ASAP2: variants seen among roughly 807,000 people sequenced by gnomAD.
ASAP2 encodes ArfGAP with SH3 domain, ankyrin repeat and PH domain 2, also known as arf-GAP with SH3 domain, ANK repeat and PH domain-containing protein 2.
A neutral mutation model predicts 131.4 loss-of-function variants in ASAP2; 45 were observed. That is an observed-to-expected ratio of 0.34 (90% confidence interval 0.27 to 0.44). The LOEUF (loss-of-function observed/expected upper bound fraction) is 0.44. ASAP2 is among the 20% of genes least tolerant of loss of function. The pLI, the probability that ASAP2 is intolerant of heterozygous loss-of-function variation, is 1.00. For synonymous variants in ASAP2, 510 were observed against 503.0 expected, an observed-to-expected ratio of 1.01 and a Z score of -0.19; for missense variants, 1,011 against 1,297.0, an observed-to-expected ratio of 0.78 and a Z score of 3.39.
intron 16 of ASAP2, among the ~76,000 whole-genome samples, chr2:9,373,133 C>T (rs989201359): frequency 1.9e-4 from 29 of 151,956 alleles, no homozygotes; most frequent in African/African-American, 7.0e-4. Context: ...GAGCATGTGC[C>T]GGGGGACGTT....
intron 15 of ASAP2, among the ~76,000 whole-genome samples, chr2:9,366,751 C>G (rs999101270): frequency 6.6e-6 from 1 of 152,106 alleles, no homozygotes; most frequent in African/African-American, 2.4e-5. Context: ...AAAGCTTTTT[C>G]CACGTGTCAA....
intron 24 of ASAP2, among the ~76,000 whole-genome samples, chr2:9,395,594 C>CTTTTTTTCTTTTTTTTTTT (rs1676063940): frequency 1.7e-5 from 1 of 59,048 alleles, no homozygotes; most frequent in African/African-American, 5.3e-5. Flanking sequence ...TGTTTTTTTT[C>CTTTTTTTCTTTTTTTTTTT]TTTTTTTTTT....
rs1490629676 is a variant in ASAP2, at chr2:9,216,769, A to C, written c.126+9539A>C. ...AGCCACCATGCCCGGTCCCTGATTA[A>C]TTTTTGTATTTTTTTGTAGAGAAGG... On this transcript the variant is annotated intron_variant, in intron 1 of 27. Transcript: ENST00000281419. Among the ~76,000 whole-genome samples the C allele has an allele frequency of 4.0e-5, 6 of 151,408 alleles. No homozygotes were observed. The East Asian group carries it at 1.2e-3, about 30-fold the overall frequency.
chr2:9,323,327 G>C, intron 6 of ASAP2, 77 bp downstream of exon 6: 1 of 1,561,156 alleles, frequency 6.4e-7, no homozygotes, highest in Non-Finnish European at 8.7e-7. Context: ...CATCTCACCG[G>C]TACCAGCGGC....
intron 6 of ASAP2, among the ~76,000 whole-genome samples, chr2:9,326,758 C>T (rs915252689): frequency 2.0e-5 from 3 of 152,058 alleles, no homozygotes; most frequent in Admixed American, 1.3e-4. Context: ...GCTTAGTGGC[C>T]GCACAGTATT....
At chr2:9,323,490 G>A (rs1488826293) in intron 6 of ASAP2, among the ~76,000 whole-genome samples, 1 of 152,218 alleles carries the variant, frequency 6.6e-6, no homozygotes, top group African/African-American at 2.4e-5. Flanking sequence ...TAAATGTCTA[G>A]AATGTTCTTT....
intron 18 of ASAP2, among the ~76,000 whole-genome samples, chr2:9,377,851 C>T (rs1046826368): frequency 1.3e-5 from 2 of 152,148 alleles, no homozygotes; most frequent in African/African-American, 4.8e-5. Context: ...CAGCTTCTTC[C>T]TGAGGAGGCT....
chr2:9,214,487 A>G (rs1334772257), intron 1 of ASAP2, among the ~76,000 whole-genome samples: 1 of 152,012 alleles, frequency 6.6e-6, no homozygotes, highest in African/African-American at 2.4e-5. Flanking sequence ...TGATCCGCCC[A>G]CCTCGGCCTC....
chr2:9,253,224 C>A (rs912653015), intron 1 of ASAP2, among the ~76,000 whole-genome samples: 1 of 152,032 alleles, frequency 6.6e-6, no homozygotes, highest in Non-Finnish European at 1.5e-5. Context: ...AGTGCAATGG[C>A]GCGATATTGG....
intron 2 of ASAP2, among the ~76,000 whole-genome samples, chr2:9,283,358 G>C (rs1000464545): frequency 9.2e-5 from 14 of 152,176 alleles, no homozygotes; most frequent in Admixed American, 2.6e-4. Context: ...TCTTATTGCT[G>C]TTGTAACAAA....
chr2:9,323,379 C>T lies in ASAP2; in HGVS notation c.600+129C>T. On this transcript the variant is annotated intron_variant, in intron 6 of 27. Transcript: ENST00000281419. ...CATGCATTGCTGGACTCCCTTTGCC[C>T]CTGTGTTGACATTTCTTTTACTAGG... 4 of 1,366,022 alleles carry T rather than the reference C, an allele frequency of 2.9e-6. No homozygotes were observed. The Admixed American group carries it at 9.1e-5, about 31-fold the overall frequency. 84.6% of individuals were successfully genotyped at this position (1,366,022 alleles called of 1,614,324 possible). A position where few individuals can be genotyped will look rare whatever the true frequency, so the allele number is the denominator to read the frequency against.
At chr2:9,321,747 T>C (rs1670161726) in intron 5 of ASAP2, among the ~76,000 whole-genome samples, 1 of 151,902 alleles carries the variant, frequency 6.6e-6, no homozygotes, top group South Asian at 2.1e-4. Context: ...AAAGAAAAGG[T>C]TTGGAAGAAG....
chr2:9,353,210 T>G (rs1672463671), intron 12 of ASAP2, among the ~76,000 whole-genome samples: 1 of 151,866 alleles, frequency 6.6e-6, no homozygotes, highest in Non-Finnish European at 1.5e-5. Context: ...CTCCTCTACT[T>G]CCTCACCAGC....
chr2:9,301,613 G>A (rs930494728), intron 3 of ASAP2, among the ~76,000 whole-genome samples: 8 of 152,124 alleles, frequency 5.3e-5, no homozygotes, highest in Non-Finnish European at 8.8e-5. Flanking sequence ...CAGTGTTAGA[G>A]GATTGTTAGT....
At chr2:9,236,763 G>A (rs186988726) in intron 1 of ASAP2, among the ~76,000 whole-genome samples, 1 of 152,184 alleles carries the variant, frequency 6.6e-6, no homozygotes, top group African/African-American at 2.4e-5. Flanking sequence ...TTTAAATTTG[G>A]AACTATAATT....
Position 9,380,809 on chromosome 2 carries a change from G to A in ASAP2, c.2016+1G>A, listed in dbSNP as rs1674780078. ...CAAGCACGAGCACTGTGAGGAGCTG[G>A]TGAGTCTCCCACCACAAGGACGGGG... is the stretch of plus-strand genomic sequence containing the variant. On this transcript the variant is annotated splice_donor_variant, in intron 20 of 27. Transcript: ENST00000281419. LOFTEE classifies it high-confidence loss of function. The A allele has an allele frequency of 6.2e-7, 1 of 1,613,826 alleles. No individual in the cohort carries two copies.
At chr2:9,320,632 T>A (rs1670094553) in intron 5 of ASAP2, among the ~76,000 whole-genome samples, 1 of 152,224 alleles carries the variant, frequency 6.6e-6, no homozygotes, top group African/African-American at 2.4e-5. Context: ...GGTATTTCTT[T>A]CTGTTTTTGT....
At chr2:9,237,593 A>G (rs1421813388) in intron 1 of ASAP2, among the ~76,000 whole-genome samples, 7 of 151,092 alleles carry the variant, frequency 4.6e-5, no homozygotes. Flanking sequence ...TTTTATTTTT[A>G]TTTTTTGTAG....
intron 24 of ASAP2, among the ~76,000 whole-genome samples, chr2:9,397,139 T>G (rs1676208517): frequency 1.3e-5 from 2 of 152,362 alleles, no homozygotes; most frequent in South Asian, 4.1e-4. Flanking sequence ...ATGCTTCTCT[T>G]GGCTTCTGGG....
Sources: allele counts gnomAD v4.1 joint callset (sites outside exome capture counted in the v4.1 genomes callset), GRCh38; gene constraint gnomAD v4.1.1; transcripts MANE v1.5; gene names NCBI Gene and HGNC (gene_info 2026-07-23, HGNC 2026-07-21).